FAM135B: variants seen among roughly 807,000 people sequenced by gnomAD.
The protein encoded by FAM135B is protein FAM135B.
Under a neutral mutation model 127.7 loss-of-function variants are expected in FAM135B, and 43 were observed. That is an observed-to-expected ratio of 0.34 (90% confidence interval 0.26 to 0.43). FAM135B has a LOEUF of 0.43. Ranked by LOEUF, FAM135B falls within the 20% of genes least tolerant of loss-of-function variation. The pLI is 1.00. For synonymous variants in FAM135B, 670 were observed against 665.1 expected (o/e 1.01, Z -0.11); for missense variants, 1,558 against 1,725.6 (o/e 0.90, Z 1.72).
intron 1 of FAM135B, chr8:138,425,307 T>C (rs1404307925): frequency 6.6e-6 from 1 of 152,142 alleles, no homozygotes; most frequent in Non-Finnish European, 1.5e-5. Context: ...CTGACCAAAG[T>C]TCAAACAGAG....
chr8:138,152,911 G>C lies in FAM135B; in HGVS notation c.1564C>G (p.Gln522Glu), dbSNP rs2130785491. The change falls in exon 13 of 20, where the codon CAA becomes GAA. Residue 522 changes from glutamine to glutamate, a missense_variant. Coordinates refer to ENST00000395297, the MANE Select transcript of FAM135B (RefSeq NM_015912.4). ...GVPEDECWTG[Q>E]TSDAGTYPVA... Reference sequence around the variant, plus strand: ...GGATATGTCCCAGCATCAGATGTTTGGCCAGTCCAACATTCATCTTCAGGC... The same window carrying C: ...GGATATGTCCCAGCATCAGATGTTTCGCCAGTCCAACATTCATCTTCAGGC... The C allele has an allele frequency of 6.2e-7, 1 of 1,614,148 alleles. No homozygotes were observed. The highest frequency in any genetic ancestry group is 1.1e-5 in the South Asian group (1 of 91,072).
In FAM135B at chr8:138,152,571, A is replaced by G. The variant is rs752950514; in HGVS notation, c.1904T>C (p.Leu635Pro). ...TGGATCACAGGGCTCAGAGGGGGTG[A>G]GTTTCAAGCTTAGCAGCACCATCTT... ...EGKMVLLSLKLTPSEPCDPLS... is the reference protein window; with the variant it reads ...EGKMVLLSLKPTPSEPCDPLS... Residue 635 changes from leucine (L) to proline (P), a missense_variant, in exon 13 of 20, where the codon CTC becomes CCC. Around this residue, in one of 5 missense-constraint regions of FAM135B, gnomAD observed 923 missense variants for 865.3 expected, o/e 1.07. Transcript: ENST00000395297. 1.2e-6 allele frequency: 2 copies of G among 1,614,152 alleles called. No homozygotes were observed. The highest frequency in any genetic ancestry group is 1.7e-6 in the Non-Finnish European group (2 of 1,180,024).
At position 138,135,537 on chromosome 8, in the gene FAM135B, A is replaced by ACT. The variant is rs1256642695; in HGVS notation, c.4015+1609_4015+1610insAG. ...TAAATTAATATTTAATCTGAGAGAC[A>ACT]GTAGAGTGAGATAGGCAGGCACGAA... On this transcript the variant is annotated intron_variant, in intron 19 of 19. Coordinates refer to ENST00000395297, the MANE Select transcript of FAM135B (RefSeq NM_015912.4). 4.7e-4 allele frequency among the ~76,000 whole-genome samples: 70 copies of ACT among 150,192 alleles called. No individual in the cohort carries two copies. The South Asian group carries it at 0.014, about 30-fold the overall frequency.
At position 138,217,368 on chromosome 8, in the gene FAM135B, G is replaced by GA. The variant is rs140371893; in HGVS notation, c.670-19700dup. ...TCCAACATTGTTCTCTGTAAGATGGGAAAAAAATATCTCTTGCCTCTAGCC... is the reference window on the plus strand; with the variant it reads ...TCCAACATTGTTCTCTGTAAGATGGGAAAAAAAATATCTCTTGCCTCTAGCC... On this transcript the variant is annotated intron_variant, in intron 7 of 19. Transcript: ENST00000395297. Among the ~76,000 whole-genome samples, 8 of 150,704 alleles carry GA rather than the reference G, an allele frequency of 5.3e-5. No individual in the cohort carries two copies. In the South Asian group the frequency reaches 1.7e-3, roughly 32 times the overall value.
intron 7 of FAM135B, among the ~76,000 whole-genome samples, chr8:138,209,680 C>T (rs1243274972): frequency 6.6e-6 from 1 of 152,160 alleles, no homozygotes; most frequent in African/African-American, 2.4e-5. Flanking sequence ...CAGGGAGATA[C>T]AGGGAGGCCT....
At chr8:138,226,036 T>C (rs1435003922) in intron 7 of FAM135B, among the ~76,000 whole-genome samples, 1 of 152,156 alleles carries the variant, frequency 6.6e-6, no homozygotes, top group South Asian at 2.1e-4. Context: ...TAGAGCCCAG[T>C]TTTAGAGGTG....
intron 1 of FAM135B, among the ~76,000 whole-genome samples, chr8:138,399,007 T>G (rs1473555440): frequency 6.6e-6 from 1 of 152,144 alleles, no homozygotes. Context: ...CACAATACCT[T>G]GCTTATGCAA....
chr8:138,400,741 C>G (rs904448843), intron 1 of FAM135B, among the ~76,000 whole-genome samples: 24 of 152,066 alleles, frequency 1.6e-4, no homozygotes, highest in African/African-American at 5.6e-4. Context: ...GAGCTACCCA[C>G]TGCCTCACTC....
intron 2 of FAM135B, among the ~76,000 whole-genome samples, chr8:138,312,049 C>T (rs1253561048): frequency 6.6e-6 from 1 of 152,232 alleles, no homozygotes; most frequent in East Asian, 1.9e-4. Flanking sequence ...TGGGTTCAAG[C>T]AATTCTTCTG....
At chr8:138,487,003 A>C (rs371967132) in intron 1 of FAM135B, among the ~76,000 whole-genome samples, 17 of 152,090 alleles carry the variant, frequency 1.1e-4, no homozygotes, top group Middle Eastern at 3.4e-3. Context: ...TCTAGGGTAC[A>C]TGTGCACAAC....
intron 3 of FAM135B, among the ~76,000 whole-genome samples, chr8:138,276,186 C>T (rs1030868071): frequency 4.6e-5 from 7 of 152,192 alleles, no homozygotes; most frequent in African/African-American, 1.4e-4. Flanking sequence ...TCAGGAGACT[C>T]AGCAAATTGG....
intron 2 of FAM135B, among the ~76,000 whole-genome samples, chr8:138,340,020 C>G (rs998141561): frequency 1.3e-5 from 2 of 152,182 alleles, no homozygotes; most frequent in African/African-American, 4.8e-5. Flanking sequence ...GGTTCATCAT[C>G]CCGGGATGGG....
chr8:138,172,262 C>T (rs1465737300), intron 11 of FAM135B, among the ~76,000 whole-genome samples: 8 of 152,200 alleles, frequency 5.3e-5, no homozygotes, highest in Admixed American at 5.2e-4. Flanking sequence ...ACTCCCACCC[C>T]TGCCATCCCT....
intron 7 of FAM135B, among the ~76,000 whole-genome samples, chr8:138,223,241 C>A (rs546317942): frequency 4.6e-5 from 7 of 152,158 alleles, no homozygotes; most frequent in Admixed American, 4.6e-4. Flanking sequence ...CACCAGGGCC[C>A]ATTTATGAGA....
intron 4 of FAM135B, among the ~76,000 whole-genome samples, chr8:138,261,358 C>T (rs886444564): frequency 1.3e-5 from 2 of 152,162 alleles, no homozygotes; most frequent in South Asian, 4.1e-4. Flanking sequence ...ATCTTTTCCT[C>T]TTCTTCCTCA....
intron 5 of FAM135B, among the ~76,000 whole-genome samples, chr8:138,251,472 G>A (rs755647584): frequency 4.6e-5 from 7 of 152,096 alleles, no homozygotes; most frequent in Admixed American, 1.3e-4. Context: ...TGACTAATGC[G>A]TCTTTATAGT....
rs138003866 is a variant in FAM135B, at chr8:138,193,455, C to T, written c.873+1803G>A. On this transcript the variant is annotated intron_variant, in intron 9 of 19. Coordinates refer to ENST00000395297, the MANE Select transcript of FAM135B (RefSeq NM_015912.4). ...CACACCCAGAAGGAAAGAGAGTGGG[C>T]GTATTGACAAATAGTCACGAATCAG... Among the ~76,000 whole-genome samples, 794 of 152,150 alleles carry T rather than the reference C, an allele frequency of 5.2e-3. 3 individuals are homozygous for T. The highest frequency in any genetic ancestry group is 0.018 in the African/African-American group (736 of 41,520).
chr8:138,487,332 C>A (rs901331246), intron 1 of FAM135B, among the ~76,000 whole-genome samples: 6 of 152,086 alleles, frequency 3.9e-5, no homozygotes, highest in Non-Finnish European at 5.9e-5. Flanking sequence ...CATACCTTCC[C>A]GCCAGCCCCC....
At chr8:138,454,891 AC>A (rs1310952869) in intron 1 of FAM135B, among the ~76,000 whole-genome samples, 1 of 152,218 alleles carries the variant, frequency 6.6e-6, no homozygotes. Context: ...ACAGTTTCTC[AC>A]CTTCGTGTCA....
Sources: gnomAD v4.1 joint callset for allele counts (sites outside exome capture counted in the v4.1 genomes callset) on GRCh38, gnomAD v4.1.1 for gene constraint, gnomAD v4.1.1 regional missense constraint, MANE v1.5 for transcripts, NCBI Gene and HGNC (gene_info 2026-07-23, HGNC 2026-07-21) for gene names.